Variants in MAP2K5 observed in about 807,000 individuals in gnomAD.
MAP2K5 encodes the protein mitogen-activated protein kinase kinase 5, also known as dual specificity mitogen-activated protein kinase kinase 5.
Under a neutral mutation model 83.1 loss-of-function variants are expected in MAP2K5, and 49 were observed. The observed-to-expected ratio is 0.59, with a 90% CI of 0.47 to 0.75. The LOEUF (loss-of-function observed/expected upper bound fraction) is 0.75, where lower values mean the gene tolerates loss of function less well. Among genes scored for constraint, MAP2K5 ranks in the 30% least tolerant of loss-of-function variants. The pLI, the probability that MAP2K5 is intolerant of heterozygous loss-of-function variation, is 0.00. For synonymous variants in MAP2K5, 202 were observed against 191.8 expected, an observed-to-expected ratio of 1.05 and a Z score of -0.44; for missense variants, 457 against 557.5, an observed-to-expected ratio of 0.82 and a Z score of 1.82.
In MAP2K5 at chr15:67,692,471, C is replaced by A; in HGVS notation, c.848-8C>A. 6.2e-7 allele frequency: 1 copy of A among 1,612,014 alleles called. No homozygotes were observed. Among genetic ancestry groups the A allele is most frequent in the South Asian group, 1.1e-5 (1 of 90,968 alleles). On this transcript the variant is annotated splice_region_variant and splice_polypyrimidine_tract_variant and intron_variant, in intron 13 of 21. Transcript: ENST00000178640. ...TTAGTTACATGGCCTTTTCTGGTCCCTTTTTAGACGTGAAGCCCTCCAATA... is the reference window on the plus strand; with the variant it reads ...TTAGTTACATGGCCTTTTCTGGTCCATTTTTAGACGTGAAGCCCTCCAATA...
chr15:67,653,833 C>T (rs1217177658), intron 11 of MAP2K5, among the ~76,000 whole-genome samples: 2 of 152,054 alleles, frequency 1.3e-5, no homozygotes, highest in Non-Finnish European at 2.9e-5. Context: ...CCTCTAAGCA[C>T]GGCTTTAGTT....
Position 67,572,528 on chromosome 15 carries a change from C to G in MAP2K5, c.253-8226C>G, listed in dbSNP as rs890241691. Among the ~76,000 whole-genome samples the G allele has an allele frequency of 1.4e-4, 22 of 152,170 alleles. No individual in the cohort carries two copies. The highest frequency in any genetic ancestry group is 5.3e-4 in the African/African-American group (22 of 41,508). Reference sequence around the variant, plus strand: ...AGTGGTGAAAGAATAGCTACTCACTCCATAGAGTAGGACGTTCCCGAAAGT... The same window carrying G: ...AGTGGTGAAAGAATAGCTACTCACTGCATAGAGTAGGACGTTCCCGAAAGT... On this transcript the variant is annotated intron_variant, in intron 3 of 21. Transcript: ENST00000178640. The surrounding 1 kb of genome is among the most constrained non-coding windows in gnomAD (Gnocchi z 4.2).
chr15:67,637,105 T>A lies in MAP2K5; in HGVS notation c.585+6178T>A, dbSNP rs184801252. Among the ~76,000 whole-genome samples the A allele has an allele frequency of 6.6e-6, 1 of 152,312 alleles. No homozygotes were observed. The highest frequency in any genetic ancestry group is 1.9e-4 in the East Asian group (1 of 5,176). On this transcript the variant is annotated intron_variant, in intron 9 of 21. Coordinates refer to ENST00000178640, the MANE Select transcript of MAP2K5 (RefSeq NM_145160.3). The surrounding 1 kb of genome is among the most constrained non-coding windows in gnomAD (Gnocchi z 4.5). ...GTGATTTGCCGGGGGCTTTCAGGCC[T>A]TCAGCTACAGACTGAAGGCTGCACT... is the stretch of plus-strand genomic sequence containing the variant.
chr15:67,554,868 A>T (rs1236717690), intron 2 of MAP2K5, among the ~76,000 whole-genome samples: 1 of 152,232 alleles, frequency 6.6e-6, no homozygotes, highest in Non-Finnish European at 1.5e-5. Flanking sequence ...CTAAATGAGT[A>T]ATTTGCGTTT....
At chr15:67,631,179 C>T (rs1474945762) in intron 9 of MAP2K5, among the ~76,000 whole-genome samples, 1 of 152,138 alleles carries the variant, frequency 6.6e-6, no homozygotes, top group East Asian at 1.9e-4. Context: ...TTCTGTGTCC[C>T]CTGCTAAGTG....
intron 19 of MAP2K5, among the ~76,000 whole-genome samples, chr15:67,762,565 C>CAAAAAA (rs5813455): frequency 8.3e-6 from 1 of 119,914 alleles, no homozygotes. Context: ...AAATGACAGA[C>CAAAAAA]AAAAAAAAAA....
intron 16 of MAP2K5, among the ~76,000 whole-genome samples, chr15:67,716,571 T>A (rs2088830767): frequency 6.6e-6 from 1 of 152,216 alleles, no homozygotes; most frequent in African/African-American, 2.4e-5. Context: ...TGCCTTATGT[T>A]GTATTTAGAA....
chr15:67,570,199 G>A (rs2084924320), intron 3 of MAP2K5, among the ~76,000 whole-genome samples: 2 of 152,110 alleles, frequency 1.3e-5, no homozygotes, highest in Admixed American at 1.3e-4. Context: ...AGGCCATCTG[G>A]GGCTCCTTAA....
At chr15:67,672,530 T>C (rs2087568842) in intron 13 of MAP2K5, among the ~76,000 whole-genome samples, 1 of 150,448 alleles carries the variant, frequency 6.6e-6, no homozygotes, top group Non-Finnish European at 1.5e-5. Context: ...CTTGTAAATT[T>C]GTTTGAGTTC....
intron 19 of MAP2K5, among the ~76,000 whole-genome samples, chr15:67,761,737 A>G (rs1434174708): frequency 6.6e-6 from 1 of 152,114 alleles, no homozygotes; most frequent in Non-Finnish European, 1.5e-5. Flanking sequence ...CTCTTTATCT[A>G]TGAAAAGATC....
Position 67,780,657 on chromosome 15 carries a change from A to G in MAP2K5, c.1242+7905A>G, listed in dbSNP as rs965943001. 2.0e-5 allele frequency among the ~76,000 whole-genome samples: 3 copies of G among 152,246 alleles called. No individual in the cohort carries two copies. Among genetic ancestry groups the G allele is most frequent in the South Asian group, 2.1e-4 (1 of 4,834 alleles). On this transcript the variant is annotated intron_variant, in intron 21 of 21. Coordinates refer to ENST00000178640, the MANE Select transcript of MAP2K5 (RefSeq NM_145160.3). This position sits in a 1 kb window ranked among gnomAD's most constrained non-coding sequence, Gnocchi z 5.0. ...CACGCTAGAATACATGGCCAGATAAAAAAGGTTTTTGTTTGACCTCCTGCT... is the reference window on the plus strand; with the variant it reads ...CACGCTAGAATACATGGCCAGATAAGAAAGGTTTTTGTTTGACCTCCTGCT...
intron 16 of MAP2K5, 117 bp downstream of exon 16, chr15:67,703,525 T>C (rs1596822464): frequency 3.9e-6 from 3 of 768,988 alleles, no homozygotes; most frequent in African/African-American, 3.5e-5. Flanking sequence ...TATATAGATG[T>C]ATACAGAGTT....
At chr15:67,694,342 C>A (rs1213142501) in intron 15 of MAP2K5, among the ~76,000 whole-genome samples, 1 of 152,064 alleles carries the variant, frequency 6.6e-6, no homozygotes. Context: ...ATAATGAAAG[C>A]TCTAAATTTA....
chr15:67,622,144 CAAAAAAAAAA>C (rs11289969), intron 8 of MAP2K5, among the ~76,000 whole-genome samples: 5 of 90,690 alleles, frequency 5.5e-5, no homozygotes, highest in Non-Finnish European at 1.1e-4. Context: ...GGCTCCATCT[CAAAAAAAAAA>C]AAAAAAAAAA....
chr15:67,692,339 A>G (rs1159534628), intron 13 of MAP2K5, 140 bp from the exon 14 acceptor site: 1 of 560,612 alleles, frequency 1.8e-6, no homozygotes, highest in Non-Finnish European at 3.2e-6. Context: ...AATGCTTTTC[A>G]TTAAATTTGT....
intron 4 of MAP2K5, among the ~76,000 whole-genome samples, chr15:67,583,590 T>A (rs2085229809): frequency 6.6e-6 from 1 of 152,128 alleles, no homozygotes; most frequent in Admixed American, 6.5e-5. Flanking sequence ...ATTATGCAAA[T>A]TTACATAATC....
Position 67,733,774 on chromosome 15 carries a change from T to C in MAP2K5, c.1074+5829T>C, listed in dbSNP as rs1162608100. On this transcript the variant is annotated intron_variant, in intron 17 of 21. Coordinates refer to ENST00000178640, the MANE Select transcript of MAP2K5 (RefSeq NM_145160.3). Reference sequence around the variant, plus strand: ...AATCCCAATACAAGTTAAACATAGGTAGATAATAAGTGAAAAATATGCATT... The same window carrying C: ...AATCCCAATACAAGTTAAACATAGGCAGATAATAAGTGAAAAATATGCATT... Among the ~76,000 whole-genome samples, 5 of 152,136 alleles carry C rather than the reference T, an allele frequency of 3.3e-5. No homozygotes were observed. In the East Asian group the frequency reaches 7.7e-4, roughly 23 times the overall value.
In MAP2K5 at chr15:67,736,611, T is replaced by C. The variant is rs1300974693; in HGVS notation, c.1074+8666T>C. Among the ~76,000 whole-genome samples, 7 of 152,218 alleles carry C rather than the reference T, an allele frequency of 4.6e-5. No individual in the cohort carries two copies. Among genetic ancestry groups the C allele is most frequent in the African/African-American group, 1.7e-4 (7 of 41,454 alleles). On this transcript the variant is annotated intron_variant, in intron 17 of 21. Coordinates refer to ENST00000178640, the MANE Select transcript of MAP2K5 (RefSeq NM_145160.3). The surrounding 1 kb of genome is among the most constrained non-coding windows in gnomAD (Gnocchi z 4.3). ...TTTACAGACTTTCTTTTTTGAGTTA[T>C]AATTTATCATTCACAATCACCATAT...
chr15:67,559,233 C>G lies in MAP2K5; in HGVS notation c.185-4050C>G, dbSNP rs2084687201. Among the ~76,000 whole-genome samples, 1 of 152,164 alleles carries G rather than the reference C, an allele frequency of 6.6e-6. No homozygotes were observed. Among genetic ancestry groups the G allele is most frequent in the Non-Finnish European group, 1.5e-5 (1 of 68,034 alleles). On this transcript the variant is annotated intron_variant, in intron 2 of 21. Coordinates refer to ENST00000178640, the MANE Select transcript of MAP2K5 (RefSeq NM_145160.3). The surrounding 1 kb of genome is among the most constrained non-coding windows in gnomAD (Gnocchi z 4.7). ...GGCACAGAAGGAGTGTGACAAATGA[C>G]ATATAATATATTGCCTTAACTTTCT...
Sources: allele counts gnomAD v4.1 joint callset (sites outside exome capture counted in the v4.1 genomes callset), GRCh38; gene constraint gnomAD v4.1.1; non-coding constraint Gnocchi (gnomAD v3.1); transcripts MANE v1.5; gene names NCBI Gene and HGNC (gene_info 2026-07-23, HGNC 2026-07-21).